Variants in ANOS1 observed in about 807,000 individuals in gnomAD.
ANOS1 encodes anosmin 1, also known as anosmin-1.
ANOS1 carries 6 observed loss-of-function variants against 59.0 expected under a neutral mutation model. The observed-to-expected ratio is 0.10, with a 90% CI of 0.06 to 0.20. ANOS1 has a LOEUF of 0.20. Ranked by LOEUF, ANOS1 falls within the 10% of genes least tolerant of loss-of-function variation. The probability of loss-of-function intolerance (pLI) is 1.00; values close to 1 mark genes in which losing one functional copy is unlikely to be tolerated. For missense variants in ANOS1, 433 were observed against 542.3 expected (o/e 0.80, Z 2.00); for synonymous variants, 217 against 223.4 (o/e 0.97, Z 0.25).
At chrX:8,576,493 C>T (rs867422577) in intron 6 of ANOS1, among the ~76,000 whole-genome samples, 4 of 98,794 alleles carry the variant, frequency 4.0e-5, no homozygotes, top group South Asian at 4.6e-4. Flanking sequence ...CACACACATA[C>T]ACACACACAC....
chrX:8,596,722 C>G (rs1930743443), intron 4 of ANOS1, among the ~76,000 whole-genome samples: 1 of 111,425 alleles, frequency 9.0e-6, no homozygotes, highest in Non-Finnish European at 1.9e-5. Context: ...TCCAGTGTAC[C>G]TAGTAGAGCT....
At chrX:8,636,694 C>T (rs1931578389) in intron 2 of ANOS1, among the ~76,000 whole-genome samples, 1 of 111,765 alleles carries the variant, frequency 8.9e-6, no homozygotes, top group Non-Finnish European at 1.9e-5. Context: ...TCAAGGAAGG[C>T]ATGGTGTGCT....
rs150228264 is a variant in ANOS1, at chrX:8,596,704, C to A, written c.541+330G>T. Among the ~76,000 whole-genome samples the A allele has an allele frequency of 7.9e-3, 878 of 111,561 alleles. 5 individuals are homozygous for A. Among genetic ancestry groups the A allele is most frequent in the Non-Finnish European group, 0.012 (633 of 53,118 alleles). On this transcript the variant is annotated intron_variant, in intron 4 of 13. Transcript: ENST00000262648. ...CAGCCTATTTTCTAAGGATTTAAATCGATTTATTCCAGTGTACCTAGTAGA... is the reference window on the plus strand; with the variant it reads ...CAGCCTATTTTCTAAGGATTTAAATAGATTTATTCCAGTGTACCTAGTAGA...
At chrX:8,649,519 G>A (rs5978934) in intron 2 of ANOS1, among the ~76,000 whole-genome samples, 11,135 of 111,302 alleles carry the variant, frequency 0.1, 792 homozygotes, top group African/African-American at 0.23. Flanking sequence ...CTCCTCCTCT[G>A]CTTTATTTGT....
At chrX:8,715,143 T>C (rs1395803795) in intron 1 of ANOS1, among the ~76,000 whole-genome samples, 2 of 112,814 alleles carry the variant, frequency 1.8e-5, no homozygotes. Flanking sequence ...AGGTATGTTT[T>C]CCCAGTAGAA....
At chrX:8,547,978 G>A (rs1488855278) in intron 9 of ANOS1, among the ~76,000 whole-genome samples, 3 of 112,187 alleles carry the variant, frequency 2.7e-5, no homozygotes, top group Non-Finnish European at 5.6e-5. Context: ...GCCTCCCAAA[G>A]TGCTGGGATT....
chrX:8,609,068 G>C (rs995463975), intron 3 of ANOS1, among the ~76,000 whole-genome samples: 6 of 112,162 alleles, frequency 5.3e-5, no homozygotes, highest in African/African-American at 1.9e-4. Flanking sequence ...CATAAGTTAA[G>C]GGACTGGTTC....
chrX:8,619,090 AAAAAAAAAAAAG>A (rs1931230464), intron 3 of ANOS1, among the ~76,000 whole-genome samples: 1 of 96,293 alleles, frequency 1.0e-5, no homozygotes, highest in South Asian at 5.2e-4. Context: ...AAAAAAAAAA[AAAAAAAAAAAAG>A]AAAGAAAAGA....
chrX:8,660,821 C>G (rs963073629), intron 2 of ANOS1, among the ~76,000 whole-genome samples: 1 of 111,084 alleles, frequency 9.0e-6, no homozygotes, highest in Non-Finnish European at 1.9e-5. Flanking sequence ...TGCTACAAGC[C>G]GGGGCAGGCC....
rs200946277 is a variant in ANOS1 at position 8,551,940 on chromosome X, C to T, written c.1354+2012G>A. Among the ~76,000 whole-genome samples, 61 of 112,283 alleles carry T rather than the reference C, an allele frequency of 5.4e-4. No homozygotes were observed. In the East Asian group the frequency reaches 0.016, roughly 30 times the overall value. ...GTGAGCTGAGATCGTGCCACTGCAC[C>T]CCAGACTGGGCGACAGATCAAGACT... On this transcript the variant is annotated intron_variant, in intron 9 of 13. Coordinates refer to ENST00000262648, the MANE Select transcript of ANOS1 (RefSeq NM_000216.4).
chrX:8,566,119 G>A (rs984288600), intron 8 of ANOS1: 25 of 752,833 alleles, frequency 3.3e-5, no homozygotes, highest in Non-Finnish European at 3.8e-5. Flanking sequence ...CCTGCAGATC[G>A]CTCACTCTTC....
At chrX:8,663,832 C>T (rs935262434) in intron 2 of ANOS1, among the ~76,000 whole-genome samples, 2 of 111,870 alleles carry the variant, frequency 1.8e-5, no homozygotes, top group African/African-American at 6.5e-5. Context: ...CAATGATAAA[C>T]TGGATAAAGA....
chrX:8,624,262 CG>C (rs754773860), intron 2 of ANOS1, among the ~76,000 whole-genome samples: 2 of 110,909 alleles, frequency 1.8e-5, no homozygotes, highest in Admixed American at 1.9e-4. Flanking sequence ...GTGATCCACC[CG>C]TCTCAGCCTC....
intron 2 of ANOS1, among the ~76,000 whole-genome samples, chrX:8,697,460 TG>T (rs34622286): frequency 0.06 from 6,589 of 110,357 alleles, 231 homozygotes; most frequent in African/African-American, 0.13. Context: ...GGGGTCAGAG[TG>T]GAAGCTAGGA....
intron 3 of ANOS1, among the ~76,000 whole-genome samples, chrX:8,610,040 A>AAAAAAC (rs1569062444): frequency 4.3e-5 from 2 of 45,996 alleles, no homozygotes; most frequent in African/African-American, 1.7e-4. Context: ...AAAAAACAAC[A>AAAAAAC]ACCTTTAAAG....
At chrX:8,568,434 T>G in intron 7 of ANOS1, 58 bp from the exon 8 acceptor site, 1 of 1,065,231 alleles carries the variant, frequency 9.4e-7, no homozygotes, top group Non-Finnish European at 1.3e-6. Context: ...TCTCTCATCT[T>G]CATTGCAAAA....
chrX:8,606,144 C>A (rs5934454), intron 3 of ANOS1, among the ~76,000 whole-genome samples: 42,159 of 110,707 alleles, frequency 0.38, 5,798 homozygotes, highest in South Asian at 0.43. Flanking sequence ...TCCAAGTGTA[C>A]TTTAGATATA....
At chrX:8,685,597 G>GAAGGAAGGAAGAAAGA (rs1418864805) in intron 2 of ANOS1, among the ~76,000 whole-genome samples, 8 of 57,271 alleles carry the variant, frequency 1.4e-4, no homozygotes, top group Non-Finnish European at 2.3e-4. Flanking sequence ...AGAAAGAAAG[G>GAAGGAAGGAAGAAAGA]AAGAAAGAAA....
At chrX:8,568,872 TG>T (rs1447735192) in intron 7 of ANOS1, among the ~76,000 whole-genome samples, 1 of 111,416 alleles carries the variant, frequency 9.0e-6, no homozygotes, top group African/African-American at 3.3e-5. Context: ...AAAGGCCAAA[TG>T]TATTTTGAAA....
Sources: allele counts gnomAD v4.1 joint callset (sites outside exome capture counted in the v4.1 genomes callset), GRCh38; gene constraint gnomAD v4.1.1; transcripts MANE v1.5; gene names NCBI Gene and HGNC (gene_info 2026-07-23, HGNC 2026-07-21).